TRPM8: variants seen among roughly 807,000 people sequenced by gnomAD.
TRPM8 encodes TRPM8 cationic channel.
A neutral mutation model predicts 133.7 loss-of-function variants in TRPM8; 110 were observed. That is an observed-to-expected ratio of 0.82 (90% CI 0.70 to 0.96). TRPM8 has a LOEUF of 0.96. TRPM8 is among the 40% of genes least tolerant of loss of function. TRPM8 has a pLI of 0.00. For synonymous variants in TRPM8, 535 were observed against 532.3 expected, an observed-to-expected ratio of 1.01 and a Z score of -0.07; for missense variants, 1,291 against 1,379.5, an observed-to-expected ratio of 0.94 and a Z score of 1.02.
rs17864772 is a variant in TRPM8, at chr2:233,997,397, G to C, written c.3130+881G>C. 7.6e-4 allele frequency among the ~76,000 whole-genome samples: 115 copies of C among 152,306 alleles called. No homozygotes were observed. In the Middle Eastern group the frequency reaches 0.027, roughly 36 times the overall value. On this transcript the variant is annotated intron_variant, in intron 22 of 25. Transcript: ENST00000324695. ...CCCAGCTGATGGAGCCGTCAGGGAG[G>C]GTCGGCAGTGGGCTGTTCCCTCTCT...
intron 11 of TRPM8, 136 bp downstream of exon 11, chr2:233,955,386 C>T: frequency 1.5e-6 from 1 of 647,242 alleles, no homozygotes; most frequent in Non-Finnish European, 2.7e-6. Flanking sequence ...ATCAGGATTG[C>T]TGAGGCTTAA....
intron 13 of TRPM8, among the ~76,000 whole-genome samples, chr2:233,963,791 G>A (rs552492965): frequency 6.6e-6 from 1 of 152,290 alleles, no homozygotes; most frequent in African/African-American, 2.4e-5. Flanking sequence ...ATGGTTTATG[G>A]ACACTCACAT....
chr2:234,015,768 G>A (rs1171040407), intron 25 of TRPM8, among the ~76,000 whole-genome samples: 2 of 152,148 alleles, frequency 1.3e-5, no homozygotes, highest in Non-Finnish European at 1.5e-5. Context: ...AAGAAAATAA[G>A]CCTTGCATAT....
intron 6 of TRPM8, among the ~76,000 whole-genome samples, chr2:233,945,492 C>T (rs1691018476): frequency 9.2e-5 from 14 of 151,660 alleles, no homozygotes; most frequent in Admixed American, 9.2e-4. Context: ...CACACAAATA[C>T]ACACACACAC....
intron 14 of TRPM8, chr2:233,966,267 G>A: frequency 4.5e-6 from 1 of 222,680 alleles, no homozygotes; most frequent in Non-Finnish European, 9.0e-6. Context: ...CGGTGGGGAG[G>A]TGCAGAAGGT....
chr2:234,014,735 CAGTT>C (rs1234135883), intron 25 of TRPM8, 81 bp downstream of exon 25: 2 of 504,532 alleles, frequency 4.0e-6, no homozygotes, highest in African/African-American at 4.2e-5. Flanking sequence ...ATTTTTTCCT[CAGTT>C]ATTTTATTTC....
intron 2 of TRPM8, among the ~76,000 whole-genome samples, chr2:233,929,413 CAGG>C (rs959407159): frequency 3.3e-5 from 5 of 152,180 alleles, no homozygotes; most frequent in Non-Finnish European, 7.3e-5. Context: ...AACTTCATTC[CAGG>C]AGAAGGGACA....
At chr2:233,992,238 A>G (rs867934289) in intron 21 of TRPM8, among the ~76,000 whole-genome samples, 2 of 151,824 alleles carry the variant, frequency 1.3e-5, no homozygotes, top group South Asian at 4.2e-4. Flanking sequence ...TTATCATGTC[A>G]TGGAAAGTTC....
chr2:233,937,483 T>A lies in TRPM8; in HGVS notation c.322T>A (p.Phe108Ile), dbSNP rs1171598681. ...TACCGACGCCTTTGGGGATATTCAG[T>A]TTGAGACACTGGGGAAGAAAGGGAA... is the stretch of plus-strand genomic sequence containing the variant. The part of the protein sequence containing the change: ...FPTDAFGDIQ[F>I]ETLGKKGKYI... Residue 108 changes from phenylalanine to isoleucine, a missense_variant, in exon 4 of 26, where the codon TTT (phenylalanine) becomes ATT (isoleucine). Coordinates refer to ENST00000324695, the MANE Select transcript of TRPM8 (RefSeq NM_024080.5). 2 of 1,613,644 alleles carry A rather than the reference T, an allele frequency of 1.2e-6. No homozygotes were observed. Among genetic ancestry groups the A allele is most frequent in the Non-Finnish European group, 1.7e-6 (2 of 1,179,882 alleles).
intron 6 of TRPM8, 74 bp downstream of exon 6, chr2:233,942,822 C>T: frequency 1.3e-6 from 2 of 1,582,850 alleles, no homozygotes; most frequent in Non-Finnish European, 1.7e-6. Flanking sequence ...TGGCCTGAAC[C>T]CTGGGGCTCT....
intron 23 of TRPM8, among the ~76,000 whole-genome samples, chr2:234,007,585 C>T (rs760119542): frequency 1.1e-4 from 16 of 152,302 alleles, no homozygotes; most frequent in Middle Eastern, 3.4e-3. Flanking sequence ...TAAATGTTAA[C>T]GTTCTTCACT....
chr2:233,966,816 A>G, intron 15 of TRPM8, 61 bp downstream of exon 15: 4 of 1,449,812 alleles, frequency 2.8e-6, no homozygotes, highest in Non-Finnish European at 3.7e-6. Context: ...GTCAGATGCT[A>G]CTAGCAGCAT....
In TRPM8 at chr2:233,945,948, C is replaced by T; in HGVS notation, c.792C>T (p.Asp264=). Residue 264 remains aspartate, a synonymous_variant, in exon 7 of 26, where the codon GAC becomes GAT. Coordinates refer to ENST00000324695, the MANE Select transcript of TRPM8 (RefSeq NM_024080.5). The part of the protein sequence containing the change: ...DNNHTHLLLV[D]NGCHGHPTVE... ...ACCACACACATTTGCTGCTCGTGGA[C>T]AATGGCTGTCATGGACATCCCACTG... The T allele has an allele frequency of 6.2e-7, 1 of 1,614,148 alleles. No homozygotes were observed. Among genetic ancestry groups the T allele is most frequent in the Non-Finnish European group, 8.5e-7 (1 of 1,180,006 alleles).
chr2:233,930,827 T>C, intron 3 of TRPM8, 86 bp downstream of exon 3: 1 of 826,586 alleles, frequency 1.2e-6, no homozygotes, highest in Non-Finnish European at 2.0e-6. Flanking sequence ...GCTCCCTAGT[T>C]CATTATTAAA....
intron 22 of TRPM8, among the ~76,000 whole-genome samples, chr2:234,005,197 C>A (rs549124173): frequency 2.2e-4 from 33 of 152,074 alleles, no homozygotes; most frequent in African/African-American, 7.2e-4. Flanking sequence ...TCCCCCATTA[C>A]CCTAAGGCAG....
At position 233,939,143 on chromosome 2, in the gene TRPM8, T is replaced by C. The variant is rs201611229; in HGVS notation, c.494T>C (p.Phe165Ser). The change falls in exon 5 of 26, where the codon TTC (phenylalanine) becomes TCC (serine). Residue 165 changes from phenylalanine to serine, a missense_variant. By Grantham distance (155) the Phe-to-Ser change is radical. Around this residue, in one of 2 missense-constraint regions of TRPM8, gnomAD observed 963 missense variants for 968.9 expected, o/e 0.99. Transcript: ENST00000324695. ...CTGAAGCCGCGCATGCGCAAGATCTTCAGCCGGCTCATCTACATCGCGCAG... is the reference window on the plus strand; with the variant it reads ...CTGAAGCCGCGCATGCGCAAGATCTCCAGCCGGCTCATCTACATCGCGCAG... ...FALKPRMRKIFSRLIYIAQSK... is the reference protein window; with the variant it reads ...FALKPRMRKISSRLIYIAQSK... 9 of 1,614,126 alleles carry C rather than the reference T, an allele frequency of 5.6e-6. No individual in the cohort carries two copies. The highest frequency in any genetic ancestry group is 1.7e-5 in the Admixed American group (1 of 60,032).
chr2:233,982,479 C>T (rs1434543362), intron 19 of TRPM8, among the ~76,000 whole-genome samples: 1 of 152,158 alleles, frequency 6.6e-6, no homozygotes, highest in African/African-American at 2.4e-5. Context: ...ATCAGACGAG[C>T]ATTGAGATGA....
intron 21 of TRPM8, among the ~76,000 whole-genome samples, chr2:233,994,973 A>C (rs1456250678): frequency 6.6e-6 from 1 of 152,250 alleles, no homozygotes; most frequent in Non-Finnish European, 1.5e-5. Context: ...TAAGCTAGCA[A>C]GTGGCCCAGT....
intron 11 of TRPM8, among the ~76,000 whole-genome samples, chr2:233,957,652 C>T (rs1013242410): frequency 1.3e-5 from 2 of 152,176 alleles, no homozygotes; most frequent in African/African-American, 4.8e-5. Flanking sequence ...TCTACATTTA[C>T]TACTACCTTT....
Sources: allele counts gnomAD v4.1 joint callset (sites outside exome capture counted in the v4.1 genomes callset), GRCh38; gene constraint gnomAD v4.1.1; regional missense constraint gnomAD v4.1.1; transcripts MANE v1.5; gene names NCBI Gene and HGNC (gene_info 2026-07-23, HGNC 2026-07-21).